TBXAS1: variants seen among roughly 807,000 people sequenced by gnomAD.
The protein encoded by TBXAS1 is thromboxane-A synthase.
A neutral mutation model predicts 60.7 loss-of-function variants in TBXAS1; 48 were observed. The observed-to-expected ratio is 0.79, with a 90% CI of 0.63 to 1.01. The LOEUF (loss-of-function observed/expected upper bound fraction) is 1.01. TBXAS1 is among the 50% of genes least tolerant of loss of function. The pLI, the probability that TBXAS1 is intolerant of heterozygous loss-of-function variation, is 0.00. For missense variants in TBXAS1, 685 were observed against 686.3 expected (o/e 1.00, Z 0.02); for synonymous variants, 287 against 269.7 (o/e 1.06, Z -0.63).
At chr7:139,851,138 T>C (rs1361791048) in intron 1 of TBXAS1, among the ~76,000 whole-genome samples, 2 of 152,236 alleles carry the variant, frequency 1.3e-5, no homozygotes, top group African/African-American at 2.4e-5. Context: ...AATCTTTTTC[T>C]TGACCTAACT....
rs1815174810 is a variant in TBXAS1, at chr7:140,017,534, A to G, written c.1365-137A>G. The G allele has an allele frequency of 3.4e-6, 4 of 1,165,270 alleles. No homozygotes were observed. The Admixed American group carries it at 9.0e-5, about 26-fold the overall frequency. The allele number at this position is 1,165,270 out of a possible 1,614,324, so 72.2% of individuals were successfully genotyped here. A position where few individuals can be genotyped will look rare whatever the true frequency, so the allele number is the denominator to read the frequency against. ...CAGGAGCAGAGAGGGACTGAGGCTC[A>G]GGAATGAGCAGCCATCAGCTCCCAG... On this transcript the variant is annotated intron_variant, in intron 11 of 12. Transcript: ENST00000448866.
intron 2 of TBXAS1, among the ~76,000 whole-genome samples, chr7:139,873,376 A>C (rs1292520241): frequency 6.6e-6 from 1 of 152,246 alleles, no homozygotes; most frequent in African/African-American, 2.4e-5. Flanking sequence ...ACACTCTGCA[A>C]GGGAGAAGAA....
At chr7:139,863,222 T>C (rs1405200987) in intron 1 of TBXAS1, among the ~76,000 whole-genome samples, 1 of 152,228 alleles carries the variant, frequency 6.6e-6, no homozygotes, top group Non-Finnish European at 1.5e-5. Context: ...TATGTCAATA[T>C]ACATGTATAA....
At chr7:139,987,049 G>A (rs906779595) in intron 9 of TBXAS1, among the ~76,000 whole-genome samples, 1 of 152,034 alleles carries the variant, frequency 6.6e-6, no homozygotes, top group Non-Finnish European at 1.5e-5. Context: ...TGCCCTGAGA[G>A]CTTAGCAGTG....
At chr7:139,977,961 C>G (rs986219260) in intron 9 of TBXAS1, among the ~76,000 whole-genome samples, 2 of 152,170 alleles carry the variant, frequency 1.3e-5, no homozygotes, top group African/African-American at 4.8e-5. Flanking sequence ...ATCTCAAGTT[C>G]CATAACACAC....
At chr7:139,858,488 T>C (rs1267013939) in intron 1 of TBXAS1, among the ~76,000 whole-genome samples, 2 of 152,238 alleles carry the variant, frequency 1.3e-5, no homozygotes, top group African/African-American at 2.4e-5. Flanking sequence ...GGATGCCTCT[T>C]AGCCACAATG....
Position 139,957,735 on chromosome 7 carries a change from G to T in TBXAS1, c.790G>T (p.Ala264Ser), listed in dbSNP as rs376564758. Residue 264 changes from alanine (A) to serine (S), a missense_variant, in exon 8 of 13, where the codon GCC becomes TCC. Coordinates refer to ENST00000448866, the MANE Select transcript of TBXAS1 (RefSeq NM_001061.7). ...TAACAAACTCATTAGGAATGTGATT[G>T]CCTTGCGGGACCAGCAAGCTGCCGA... is the stretch of plus-strand genomic sequence containing the variant. ...FFNKLIRNVI[A>S]LRDQQAAEER... 114 of 1,613,976 alleles carry T rather than the reference G, an allele frequency of 7.1e-5. No homozygotes were observed. The highest frequency in any genetic ancestry group is 9.6e-5 in the Non-Finnish European group (113 of 1,180,040).
intron 6 of TBXAS1, among the ~76,000 whole-genome samples, chr7:139,954,811 A>C (rs1809705695): frequency 6.6e-6 from 1 of 152,208 alleles, no homozygotes; most frequent in Non-Finnish European, 1.5e-5. Context: ...TTTCTAAAGC[A>C]CAATGTATGT....
At chr7:139,861,680 G>A (rs1800978086) in intron 1 of TBXAS1, among the ~76,000 whole-genome samples, 1 of 152,192 alleles carries the variant, frequency 6.6e-6, no homozygotes. Flanking sequence ...CGTAACATCT[G>A]ACAACGGTAA....
chr7:139,789,791 C>T (rs1157583490), intron 4 of TBXAS1, among the ~76,000 whole-genome samples: 5 of 152,022 alleles, frequency 3.3e-5, no homozygotes, highest in Admixed American at 6.6e-5. Flanking sequence ...CCACCACACC[C>T]GGCTAATTTT....
chr7:140,014,591 GACAC>G (rs908701978), intron 10 of TBXAS1, among the ~76,000 whole-genome samples: 9 of 152,002 alleles, frequency 5.9e-5, no homozygotes, highest in Admixed American at 5.9e-4. Flanking sequence ...GAGAGAGACA[GACAC>G]ACACACAGAG....
At chr7:139,836,860 C>G (rs900443689) in intron 1 of TBXAS1, among the ~76,000 whole-genome samples, 7 of 152,162 alleles carry the variant, frequency 4.6e-5, no homozygotes, top group African/African-American at 1.7e-4. Flanking sequence ...AAGGAACAGT[C>G]AGCAGAGTAA....
At chr7:139,799,235 ATTT>A (rs35555385) in intron 4 of TBXAS1, among the ~76,000 whole-genome samples, 1 of 144,094 alleles carries the variant, frequency 6.9e-6, no homozygotes, top group Non-Finnish European at 1.5e-5. Flanking sequence ...AGCCCAGCTA[ATTT>A]TTTTTTTTTT....
intron 4 of TBXAS1, among the ~76,000 whole-genome samples, chr7:139,799,742 T>C (rs575909430): frequency 2.0e-5 from 3 of 152,308 alleles, no homozygotes; most frequent in African/African-American, 7.2e-5. Context: ...CAGGTCCTCA[T>C]TTATTGGCTT....
At chr7:139,969,283 A>G (rs898804456) in intron 9 of TBXAS1, among the ~76,000 whole-genome samples, 1 of 152,160 alleles carries the variant, frequency 6.6e-6, no homozygotes. Flanking sequence ...TGTAACCATT[A>G]TAAATATCTA....
intron 1 of TBXAS1, among the ~76,000 whole-genome samples, chr7:139,834,405 C>A (rs981153882): frequency 6.6e-6 from 1 of 151,964 alleles, no homozygotes; most frequent in Admixed American, 6.6e-5. Context: ...CCTCAAGGAA[C>A]TAGAGAAATA....
intron 4 of TBXAS1, among the ~76,000 whole-genome samples, chr7:139,794,050 C>T (rs1221236160): frequency 2.6e-5 from 4 of 151,112 alleles, no homozygotes; most frequent in African/African-American, 7.3e-5. Context: ...GTATGGTGCA[C>T]GTGCATGTAT....
At chr7:140,011,384 C>T (rs1814604646) in intron 10 of TBXAS1, among the ~76,000 whole-genome samples, 1 of 117,320 alleles carries the variant, frequency 8.5e-6, no homozygotes, top group Non-Finnish European at 2.1e-5. Context: ...CAATCCCATC[C>T]CCTAGAGAAG....
At chr7:139,930,462 G>A (rs1807228912) in intron 4 of TBXAS1, among the ~76,000 whole-genome samples, 2 of 152,184 alleles carry the variant, frequency 1.3e-5, no homozygotes, top group Non-Finnish European at 2.9e-5. Flanking sequence ...TTGAGAAACT[G>A]TAGAGAGGTC....
Sources: gnomAD v4.1 joint callset for allele counts (sites outside exome capture counted in the v4.1 genomes callset) on GRCh38, gnomAD v4.1.1 for gene constraint, MANE v1.5 for transcripts, NCBI Gene and HGNC (gene_info 2026-07-23, HGNC 2026-07-21) for gene names.